Variants in SCHIP1 observed in about 807,000 individuals in gnomAD.
SCHIP1 encodes schwannomin-interacting protein 1.
Under a neutral mutation model 29.7 loss-of-function variants are expected in SCHIP1, and 8 were observed. The observed-to-expected ratio is 0.27, with a 90% CI of 0.16 to 0.49. The LOEUF is 0.49. Ranked by LOEUF, SCHIP1 falls within the 20% of genes least tolerant of loss-of-function variation. The pLI is 0.99. For synonymous variants in SCHIP1, 76 were observed against 94.9 expected (o/e 0.80, Z 1.16); for missense variants, 193 against 294.6 (o/e 0.66, Z 2.52).
At chr3:159,403,402 A>T in the SCHIP1 span, among the ~76,000 whole-genome samples, 1 of 152,020 alleles carries the variant, frequency 6.6e-6, no homozygotes, top group Non-Finnish European at 1.5e-5. Context: ...GACAGAAAAA[A>T]CAGTCTCGAA....
chr3:159,557,314 G>A, the SCHIP1 span, among the ~76,000 whole-genome samples: 1 of 152,082 alleles, frequency 6.6e-6, no homozygotes, highest in African/African-American at 2.4e-5. Flanking sequence ...TATTTTTAAA[G>A]AGAAAAATGT....
At chr3:159,349,981 T>C in the SCHIP1 span, among the ~76,000 whole-genome samples, 2 of 152,160 alleles carry the variant, frequency 1.3e-5, no homozygotes, top group African/African-American at 4.8e-5. Context: ...TGAGCACTTG[T>C]TCTATATCTG....
At chr3:159,591,436 A>G in the SCHIP1 span, among the ~76,000 whole-genome samples, 3 of 152,214 alleles carry the variant, frequency 2.0e-5, no homozygotes, top group Admixed American at 6.5e-5. Context: ...CCAAAGGATT[A>G]TAAATCATGC....
At chr3:159,361,750 T>C in the SCHIP1 span, among the ~76,000 whole-genome samples, 1 of 152,320 alleles carries the variant, frequency 6.6e-6, no homozygotes, top group African/African-American at 2.4e-5. Flanking sequence ...GGATATATTT[T>C]AAAGTAGATT....
chr3:159,442,192 CAG>C, the SCHIP1 span, among the ~76,000 whole-genome samples: 19 of 152,238 alleles, frequency 1.2e-4, no homozygotes, highest in African/African-American at 4.3e-4. Flanking sequence ...GCAAAAGAAA[CAG>C]ACTCTAGGTT....
chr3:159,827,603 A>G, the SCHIP1 span, among the ~76,000 whole-genome samples: 1,974 of 152,246 alleles, frequency 0.013, 50 homozygotes, highest in African/African-American at 0.045. Context: ...CAGGAGATCG[A>G]GACCATCCTG....
chr3:159,456,538 C>T, the SCHIP1 span, among the ~76,000 whole-genome samples: 2 of 152,132 alleles, frequency 1.3e-5, no homozygotes. Flanking sequence ...GAGATCTTTT[C>T]TCACATTTTA....
chr3:159,582,445 G>A, the SCHIP1 span, among the ~76,000 whole-genome samples: 2 of 152,244 alleles, frequency 1.3e-5, no homozygotes, highest in East Asian at 3.9e-4. Flanking sequence ...AGGATGGGAT[G>A]AGCCACCACA....
the SCHIP1 span, among the ~76,000 whole-genome samples, chr3:159,742,776 T>G: frequency 6.6e-6 from 1 of 151,558 alleles, no homozygotes; most frequent in Non-Finnish European, 1.5e-5. Flanking sequence ...CAAGCAATTT[T>G]CCTGCCTCAG....
the SCHIP1 span, among the ~76,000 whole-genome samples, chr3:159,437,661 G>C: frequency 2.6e-5 from 4 of 151,806 alleles, no homozygotes; most frequent in Admixed American, 2.0e-4. Context: ...ATCTTGCTAA[G>C]GGAATTCAAG....
chr3:159,376,121 A>G, the SCHIP1 span, among the ~76,000 whole-genome samples: 1 of 152,054 alleles, frequency 6.6e-6, no homozygotes, highest in East Asian at 1.9e-4. Context: ...TGAAAAGCCA[A>G]AAAGCCCTGT....
the SCHIP1 span, among the ~76,000 whole-genome samples, chr3:159,668,088 G>A: frequency 2.6e-5 from 4 of 152,074 alleles, no homozygotes; most frequent in Middle Eastern, 3.4e-3. Flanking sequence ...AGTGAGTCCC[G>A]GCCAGGTACA....
At chr3:159,315,615 C>G in the SCHIP1 span, among the ~76,000 whole-genome samples, 6 of 151,750 alleles carry the variant, frequency 4.0e-5, no homozygotes, top group African/African-American at 9.7e-5. Context: ...CATTTTAGAA[C>G]CATAGCCTAA....
the SCHIP1 span, among the ~76,000 whole-genome samples, chr3:159,684,527 C>T: frequency 1.3e-3 from 192 of 152,126 alleles, no homozygotes; most frequent in African/African-American, 4.5e-3. Flanking sequence ...CATCCTCTGC[C>T]GGGTGTGGTG....
At chr3:159,765,222 C>G in the SCHIP1 span, 1 of 1,398,838 alleles carries the variant, frequency 7.1e-7, no homozygotes. Flanking sequence ...CCCTGCGCTC[C>G]CGCCCGCCCG....
chr3:159,496,747 A>T, the SCHIP1 span, among the ~76,000 whole-genome samples: 7 of 152,224 alleles, frequency 4.6e-5, no homozygotes, highest in Non-Finnish European at 8.8e-5. Flanking sequence ...CAGCCATCCC[A>T]TTACTGAGTA....
the SCHIP1 span, among the ~76,000 whole-genome samples, chr3:159,385,902 G>A: frequency 2.1e-4 from 32 of 151,772 alleles, no homozygotes; most frequent in Non-Finnish European, 4.0e-4. Flanking sequence ...GTGTCCACGT[G>A]TCCTCATTAT....
the SCHIP1 span, chr3:159,273,479 G>T: frequency 2.8e-3 from 3,083 of 1,083,794 alleles, 12 homozygotes; most frequent in South Asian, 0.017. Context: ...TTAAGATCAA[G>T]AACTTTTCTG....
chr3:159,550,938 T>C, the SCHIP1 span, among the ~76,000 whole-genome samples: 1 of 152,224 alleles, frequency 6.6e-6, no homozygotes, highest in Non-Finnish European at 1.5e-5. Flanking sequence ...GTTAACTTTA[T>C]ATTATTTTAT....
Sources: gnomAD v4.1 joint callset for allele counts (sites outside exome capture counted in the v4.1 genomes callset) on GRCh38, gnomAD v4.1.1 for gene constraint, MANE v1.5 for transcripts, NCBI Gene and HGNC (gene_info 2026-07-23, HGNC 2026-07-21) for gene names.